Variants in LINGO2 observed in about 807,000 individuals in gnomAD.
The protein encoded by LINGO2 is leucine-rich repeat and immunoglobulin-like domain-containing nogo receptor-interacting protein 2.
In LINGO2, 14 loss-of-function variants were observed where a neutral mutation model predicts 30.6. The observed-to-expected ratio is 0.46, with a 90% confidence interval of 0.30 to 0.72. LINGO2 has a LOEUF of 0.72. LINGO2 is among the 30% of genes least tolerant of loss of function. LINGO2 has a pLI of 0.07. For missense variants in LINGO2, 729 were observed against 751.7 expected, an observed-to-expected ratio of 0.97 and a Z score of 0.35; for synonymous variants, 317 against 288.5, an observed-to-expected ratio of 1.10 and a Z score of -1.00.
the LINGO2 span, among the ~76,000 whole-genome samples, chr9:28,994,326 A>G: frequency 6.6e-6 from 1 of 152,278 alleles, no homozygotes; most frequent in East Asian, 1.9e-4. Context: ...GTGAAGGACC[A>G]CTTCAAGGAC....
chr9:28,653,255 G>A (rs1049525361), intron 1 of LINGO2, among the ~76,000 whole-genome samples: 2 of 152,136 alleles, frequency 1.3e-5, no homozygotes, highest in Admixed American at 6.6e-5. Flanking sequence ...TTTCTAGGCA[G>A]ATGAAAGCCC....
At chr9:29,059,421 A>AAATAAATC in the LINGO2 span, among the ~76,000 whole-genome samples, 1 of 149,272 alleles carries the variant, frequency 6.7e-6, no homozygotes, top group Admixed American at 6.7e-5. Flanking sequence ...ATTAAAAAAT[A>AAATAAATC]AATAAATAAA....
intron 3 of LINGO2, among the ~76,000 whole-genome samples, chr9:28,340,299 T>C (rs1432097873): frequency 6.6e-6 from 1 of 152,164 alleles, no homozygotes; most frequent in Non-Finnish European, 1.5e-5. Context: ...GCACAATGTC[T>C]CGTATATAAT....
the LINGO2 span, among the ~76,000 whole-genome samples, chr9:28,978,335 C>A: frequency 1.3e-5 from 2 of 152,044 alleles, no homozygotes; most frequent in African/African-American, 4.8e-5. Flanking sequence ...TGCTTTTGGG[C>A]TAGATTAACA....
chr9:28,021,546 T>C lies in LINGO2; in HGVS notation c.-86-9141A>G, dbSNP rs116545603. Among the ~76,000 whole-genome samples the C allele has an allele frequency of 6.6e-3, 1,007 of 152,270 alleles. 10 individuals are homozygous for C. The highest frequency in any genetic ancestry group is 0.017 in the African/African-American group (719 of 41,578). ...CTGTTTGGGTCAACTGTATCATTATTGATTGTCTGCCTGCTTGATTTACCA... is the reference window on the plus strand; with the variant it reads ...CTGTTTGGGTCAACTGTATCATTATCGATTGTCTGCCTGCTTGATTTACCA... On this transcript the variant is annotated intron_variant, in intron 4 of 5. Transcript: ENST00000379992.
the LINGO2 span, among the ~76,000 whole-genome samples, chr9:29,004,464 T>C: frequency 2.0e-5 from 3 of 151,896 alleles, no homozygotes; most frequent in Non-Finnish European, 4.4e-5. Context: ...GGAAGTACAT[T>C]TATTGACTAT....
the LINGO2 span, among the ~76,000 whole-genome samples, chr9:28,959,612 TCACACACACACACACACA>T: frequency 1.5e-5 from 2 of 132,162 alleles, no homozygotes; most frequent in Non-Finnish European, 3.1e-5. Context: ...TCTCTCTCCC[TCACACACACACACACACA>T]CACACACACA....
chr9:28,455,077 T>C (rs1824792434), intron 2 of LINGO2, among the ~76,000 whole-genome samples: 2 of 152,056 alleles, frequency 1.3e-5, no homozygotes, highest in Admixed American at 1.3e-4. Context: ...CTTTCTCTAT[T>C]GCTTTCCATT....
the LINGO2 span, among the ~76,000 whole-genome samples, chr9:28,843,711 G>T: frequency 6.6e-6 from 1 of 151,810 alleles, no homozygotes; most frequent in South Asian, 2.1e-4. Flanking sequence ...TCAGTAAATA[G>T]TGTGTTGTTA....
At chr9:28,391,604 C>CGTGTGTGTGTGTGT (rs35676869) in intron 2 of LINGO2, among the ~76,000 whole-genome samples, 3 of 147,732 alleles carry the variant, frequency 2.0e-5, no homozygotes, top group Admixed American at 6.7e-5. Flanking sequence ...TTTATGTTTG[C>CGTGTGTGTGTGTGT]GTGTGTGTGT....
chr9:28,227,910 C>A (rs1428284424), intron 4 of LINGO2, among the ~76,000 whole-genome samples: 4 of 151,934 alleles, frequency 2.6e-5, no homozygotes, highest in African/African-American at 9.7e-5. Flanking sequence ...TAGCAAAAAG[C>A]CACAACACTT....
chr9:28,118,902 C>T (rs999490095), intron 4 of LINGO2, among the ~76,000 whole-genome samples: 1 of 152,042 alleles, frequency 6.6e-6, no homozygotes, highest in South Asian at 2.1e-4. Context: ...AGCAAAAGAG[C>T]CCTCTTCTGA....
chr9:28,106,871 T>C (rs1352733096), intron 4 of LINGO2, among the ~76,000 whole-genome samples: 1 of 152,198 alleles, frequency 6.6e-6, no homozygotes, highest in African/African-American at 2.4e-5. Flanking sequence ...GCAAAATGAA[T>C]GTTGTTTTAT....
intron 1 of LINGO2, among the ~76,000 whole-genome samples, chr9:28,499,919 AT>A (rs1485786093): frequency 6.6e-6 from 1 of 152,188 alleles, no homozygotes; most frequent in Non-Finnish European, 1.5e-5. Flanking sequence ...CCACAAAAAA[AT>A]GTATGTCACC....
intron 5 of LINGO2, among the ~76,000 whole-genome samples, chr9:27,975,008 G>T (rs564304529): frequency 1.3e-5 from 2 of 152,208 alleles, no homozygotes; most frequent in East Asian, 3.9e-4. Context: ...TCATTCTGTT[G>T]CCAGAGGAGT....
intron 1 of LINGO2, among the ~76,000 whole-genome samples, chr9:28,555,427 C>T (rs973181139): frequency 6.6e-6 from 1 of 151,382 alleles, no homozygotes; most frequent in African/African-American, 2.4e-5. Context: ...GACACATACA[C>T]TCTCCCAAGA....
At chr9:28,711,418 T>G in the LINGO2 span, among the ~76,000 whole-genome samples, 1 of 152,230 alleles carries the variant, frequency 6.6e-6, no homozygotes, top group African/African-American at 2.4e-5. Flanking sequence ...AAATAAAGTG[T>G]TTAGCCCAGA....
At position 28,203,883 on chromosome 9, in the gene LINGO2, A is replaced by G. The variant is rs542388456; in HGVS notation, c.-87+91325T>C. ...AGCAAACCCAAAAATGGATTACATG[A>G]TCAATATGTTTGGGAAACAACAGGC... On this transcript the variant is annotated intron_variant, in intron 4 of 5. Transcript: ENST00000379992. 3.8e-4 allele frequency among the ~76,000 whole-genome samples: 58 copies of G among 152,296 alleles called. 1 individual carries two copies. The highest frequency in any genetic ancestry group is 1.6e-3 in the Admixed American group (25 of 15,296).
intron 4 of LINGO2, among the ~76,000 whole-genome samples, chr9:28,196,991 G>A (rs1371803310): frequency 1.3e-5 from 2 of 151,898 alleles, no homozygotes; most frequent in African/African-American, 4.8e-5. Flanking sequence ...TAGCACAATA[G>A]GGTGGCTATA....
Sources: allele counts gnomAD v4.1 joint callset (sites outside exome capture counted in the v4.1 genomes callset), GRCh38; gene constraint gnomAD v4.1.1; transcripts MANE v1.5; gene names NCBI Gene and HGNC (gene_info 2026-07-23, HGNC 2026-07-21).